The following NTM variants were observed in gnomAD, a reference collection of about 807,000 sequenced individuals.
The protein encoded by NTM is IgLON family member 2.
NTM carries 13 observed loss-of-function variants against 42.1 expected under a neutral mutation model. The ratio of observed to expected loss-of-function variants is 0.31; its 90% CI spans 0.20 to 0.49. The LOEUF is 0.49. Among genes scored for constraint, NTM ranks in the 20% least tolerant of loss-of-function variants. The pLI is 0.99. For missense variants in NTM, 373 were observed against 452.8 expected, an observed-to-expected ratio of 0.82 and a Z score of 1.60; for synonymous variants, 187 against 179.2, an observed-to-expected ratio of 1.04 and a Z score of -0.35.
At chr11:131,927,425 C>T (rs1046543435) in intron 2 of NTM, among the ~76,000 whole-genome samples, 6 of 152,160 alleles carry the variant, frequency 3.9e-5, no homozygotes, top group South Asian at 2.1e-4. Context: ...CAAAATCTTG[C>T]CCAAGTCTCT....
rs181475149 is a variant in NTM at position 132,163,557 on chromosome 11, C to G, written c.400+17043C>G. Among the ~76,000 whole-genome samples, 65 of 152,308 alleles carry G rather than the reference C, an allele frequency of 4.3e-4. No individual in the cohort carries two copies. In the East Asian group the frequency reaches 0.01, roughly 24 times the overall value. On this transcript the variant is annotated intron_variant, in intron 3 of 8. Coordinates refer to ENST00000683400, the MANE Select transcript of NTM (RefSeq NM_001352005.2). ...TTCCCTTCCTTTAGAAATGAGGAGA[C>G]CAACTAACCCAAGGAAGGTTGCACA...
chr11:132,194,988 A>C (rs909260855), intron 3 of NTM, among the ~76,000 whole-genome samples: 1 of 151,794 alleles, frequency 6.6e-6, no homozygotes, highest in African/African-American at 2.4e-5. Context: ...ACGCCTGGCT[A>C]GTTTTTGTTC....
chr11:131,478,661 G>A (rs1002322760), intron 1 of NTM, among the ~76,000 whole-genome samples: 1 of 152,154 alleles, frequency 6.6e-6, no homozygotes, highest in Non-Finnish European at 1.5e-5. Flanking sequence ...TCTGACCACG[G>A]TGGTTATAAT....
At chr11:131,674,719 C>T (rs789538) in intron 1 of NTM, among the ~76,000 whole-genome samples, 122,460 of 152,140 alleles carry the variant, frequency 0.8, 49,605 homozygotes, top group African/African-American at 0.89. Context: ...ATTTGCAAGC[C>T]TGATTTCCCT....
chr11:132,010,154 T>G (rs2071800566), intron 2 of NTM, among the ~76,000 whole-genome samples: 1 of 152,220 alleles, frequency 6.6e-6, no homozygotes, highest in African/African-American at 2.4e-5. Flanking sequence ...AGCTTCTTGC[T>G]TCATATTAGC....
intron 1 of NTM, among the ~76,000 whole-genome samples, chr11:131,500,543 A>T (rs867513355): frequency 0.19 from 1,785 of 9,388 alleles, 41 homozygotes; most frequent in African/African-American, 0.35. Flanking sequence ...GTTATTTATT[A>T]TATATATATA....
intron 1 of NTM, among the ~76,000 whole-genome samples, chr11:131,570,543 G>A (rs541307383): frequency 6.6e-6 from 1 of 152,340 alleles, no homozygotes; most frequent in South Asian, 2.1e-4. Context: ...TCAAAAACAA[G>A]GCCAGGCGCG....
At chr11:131,634,272 C>A (rs73592207) in intron 1 of NTM, among the ~76,000 whole-genome samples, 2 of 152,158 alleles carry the variant, frequency 1.3e-5, no homozygotes, top group South Asian at 2.1e-4. Flanking sequence ...TGATTGAATG[C>A]GTCGAAAATT....
intron 2 of NTM, among the ~76,000 whole-genome samples, chr11:132,012,525 T>A (rs186291809): frequency 2.0e-3 from 305 of 152,292 alleles, no homozygotes; most frequent in African/African-American, 7.0e-3. Context: ...AAAGAAGACG[T>A]ATAAGAAATT....
At chr11:131,831,092 T>A (rs965857554) in intron 1 of NTM, among the ~76,000 whole-genome samples, 2 of 152,206 alleles carry the variant, frequency 1.3e-5, no homozygotes, top group African/African-American at 2.4e-5. Context: ...TTTCTACATA[T>A]GGAATCACAT....
intron 1 of NTM, among the ~76,000 whole-genome samples, chr11:131,619,661 C>G (rs1838000033): frequency 1.3e-5 from 2 of 151,980 alleles, no homozygotes; most frequent in Non-Finnish European, 2.9e-5. Flanking sequence ...AGTCAAGACG[C>G]AAATTTTTCA....
At chr11:131,719,275 T>C (rs1278399909) in intron 1 of NTM, among the ~76,000 whole-genome samples, 1 of 152,146 alleles carries the variant, frequency 6.6e-6, no homozygotes, top group Non-Finnish European at 1.5e-5. Flanking sequence ...GGTAATCAGG[T>C]CCCTTTTACT....
intron 1 of NTM, among the ~76,000 whole-genome samples, chr11:131,393,098 G>C (rs150595977): frequency 1.8e-4 from 28 of 152,198 alleles, no homozygotes; most frequent in Middle Eastern, 3.4e-3. Context: ...TTATTCAGAC[G>C]GGCTCTCTCT....
chr11:131,380,881 C>G (rs74573620), intron 1 of NTM, among the ~76,000 whole-genome samples: 3,358 of 152,246 alleles, frequency 0.022, 68 homozygotes, highest in Non-Finnish European at 0.036. Context: ...CAGAACTTAC[C>G]CTTTCTATTA....
At chr11:131,551,004 A>ATT (rs148881646) in intron 1 of NTM, among the ~76,000 whole-genome samples, 1 of 151,838 alleles carries the variant, frequency 6.6e-6, no homozygotes, top group Non-Finnish European at 1.5e-5. Context: ...TTTGCATTTA[A>ATT]TTTTTTTTAA....
chr11:131,546,719 C>T (rs772830985), intron 1 of NTM: 1 of 152,280 alleles, frequency 6.6e-6, no homozygotes, highest in African/African-American at 2.4e-5. Context: ...GAGTGACAAG[C>T]ACCACGCTGA....
intron 2 of NTM, among the ~76,000 whole-genome samples, chr11:132,129,753 T>C (rs1043594007): frequency 1.3e-5 from 2 of 152,218 alleles, no homozygotes; most frequent in African/African-American, 4.8e-5. Context: ...CTCCTAGGAC[T>C]GTATTAGAAA....
intron 1 of NTM, among the ~76,000 whole-genome samples, chr11:131,380,362 C>T (rs983051426): frequency 5.3e-5 from 8 of 152,048 alleles, no homozygotes; most frequent in Non-Finnish European, 1.0e-4. Context: ...CATGTGCCAC[C>T]ATGCCCAGCT....
At chr11:132,088,662 T>G (rs865900723) in intron 2 of NTM, among the ~76,000 whole-genome samples, 1 of 152,192 alleles carries the variant, frequency 6.6e-6, no homozygotes, top group Admixed American at 6.5e-5. Flanking sequence ...ATGTGGGCCC[T>G]TGGTCTGAGC....
Sources: allele counts gnomAD v4.1 joint callset (sites outside exome capture counted in the v4.1 genomes callset), GRCh38; gene constraint gnomAD v4.1.1; transcripts MANE v1.5; gene names NCBI Gene and HGNC (gene_info 2026-07-23, HGNC 2026-07-21).